The following ZNF609 variants were observed in gnomAD, a reference collection of about 807,000 sequenced individuals.
ZNF609 encodes the protein zinc finger protein 609.
A neutral mutation model predicts 109.5 loss-of-function variants in ZNF609; 11 were observed. That is an observed-to-expected ratio of 0.10 (90% CI 0.06 to 0.17). The LOEUF (loss-of-function observed/expected upper bound fraction) is 0.17. Ranked by LOEUF, ZNF609 falls within the 10% of genes least tolerant of loss-of-function variation. ZNF609 has a pLI of 1.00. For synonymous variants in ZNF609, 646 were observed against 662.0 expected, an observed-to-expected ratio of 0.98 and a Z score of 0.37; for missense variants, 1,559 against 1,772.4, an observed-to-expected ratio of 0.88 and a Z score of 2.16.
intron 2 of ZNF609, among the ~76,000 whole-genome samples, chr15:64,587,370 C>T (rs75331051): frequency 6.8e-4 from 56 of 82,392 alleles, no homozygotes; most frequent in Non-Finnish European, 1.1e-3. Flanking sequence ...TCTGTAGTAC[C>T]TAGCAGCACA....
Position 64,622,807 on chromosome 15 carries a change from A to T in ZNF609, c.748-20A>T, listed in dbSNP as rs199647254. On this transcript the variant is annotated intron_variant, in intron 2 of 9. Coordinates refer to ENST00000326648, the MANE Select transcript of ZNF609 (RefSeq NM_015042.2). ...ATGTTCTCCCTGCAACTCAGCTACT[A>T]CTTTTTCTTCCCTCCACAGATGGAG... The T allele has an allele frequency of 1.3e-4, 209 of 1,605,694 alleles. No homozygotes were observed. In the Middle Eastern group the frequency reaches 2.1e-3, roughly 17 times the overall value.
At chr15:64,513,942 A>T (rs1025306002) in intron 2 of ZNF609, among the ~76,000 whole-genome samples, 1 of 152,120 alleles carries the variant, frequency 6.6e-6, no homozygotes, top group Non-Finnish European at 1.5e-5. Context: ...AAACTAAAAA[A>T]TTAGCTGGGT....
At chr15:64,534,068 A>G (rs1043919348) in intron 2 of ZNF609, among the ~76,000 whole-genome samples, 19 of 149,608 alleles carry the variant, frequency 1.3e-4, no homozygotes, top group African/African-American at 4.2e-4. Flanking sequence ...CTGGAGTGCA[A>G]TGGCACAACC....
chr15:64,680,485 G>T, intron 7 of ZNF609, 125 bp downstream of exon 7: 1 of 1,335,538 alleles, frequency 7.5e-7, no homozygotes, highest in Admixed American at 2.1e-5. Context: ...GACACTGGCA[G>T]CCCCCAGGGC....
chr15:64,626,431 T>A (rs1895963671), intron 3 of ZNF609, among the ~76,000 whole-genome samples: 1 of 152,202 alleles, frequency 6.6e-6, no homozygotes, highest in African/African-American at 2.4e-5. Context: ...AGATACTTTT[T>A]AAAAAATTCT....
Position 64,684,544 on chromosome 15 carries a change from C to T in ZNF609, c.*2858C>T, listed in dbSNP as rs1040436665. Reference sequence around the variant, plus strand: ...CCCCTTTTCCTGCCTTGTACATGTACATGTATGAAATTTCCTTCTCTTACC... The same window carrying T: ...CCCCTTTTCCTGCCTTGTACATGTATATGTATGAAATTTCCTTCTCTTACC... On this transcript the variant is annotated 3_prime_UTR_variant, in exon 10 of 10. Transcript: ENST00000326648. 1 of 152,380 alleles carries T rather than the reference C, an allele frequency of 6.6e-6. No homozygotes were observed. The highest frequency in any genetic ancestry group is 1.5e-5 in the Non-Finnish European group (1 of 68,056). 9.4% of individuals were successfully genotyped at this position (152,380 alleles called of 1,614,324 possible).
chr15:64,619,950 G>A (rs781599740), intron 2 of ZNF609, among the ~76,000 whole-genome samples: 10 of 152,200 alleles, frequency 6.6e-5, no homozygotes, highest in Non-Finnish European at 1.0e-4. Flanking sequence ...CCTGCCAGGA[G>A]CACTGAATAA....
intron 1 of ZNF609, among the ~76,000 whole-genome samples, chr15:64,470,816 G>A (rs887864922): frequency 2.6e-5 from 4 of 151,780 alleles, no homozygotes; most frequent in South Asian, 2.1e-4. Flanking sequence ...CACTGCACCC[G>A]GCCTCTTTCA....
At chr15:64,655,423 C>G (rs974856662) in intron 3 of ZNF609, among the ~76,000 whole-genome samples, 4 of 151,748 alleles carry the variant, frequency 2.6e-5, no homozygotes, top group Non-Finnish European at 5.9e-5. Flanking sequence ...ACAACAAGAG[C>G]AAAACTCCAT....
intron 1 of ZNF609, among the ~76,000 whole-genome samples, chr15:64,484,967 G>A (rs543089040): frequency 2.0e-5 from 3 of 152,044 alleles, no homozygotes; most frequent in South Asian, 2.1e-4. Flanking sequence ...GCGAGACTCC[G>A]TCTCAAAAAA....
intron 1 of ZNF609, among the ~76,000 whole-genome samples, chr15:64,466,116 C>CAA (rs749648623): frequency 0.65 from 53,668 of 81,982 alleles, 19,116 homozygotes; most frequent in East Asian, 0.86. Context: ...AACCCTGTCT[C>CAA]AAAAAAAAAA....
chr15:64,609,128 C>CTT (rs72081834), intron 2 of ZNF609, among the ~76,000 whole-genome samples: 1 of 101,024 alleles, frequency 9.9e-6, no homozygotes, highest in African/African-American at 3.6e-5. Flanking sequence ...TTCTTTCTTT[C>CTT]TTTTTTTCTT....
At chr15:64,490,247 A>G (rs926406957) in intron 1 of ZNF609, among the ~76,000 whole-genome samples, 2 of 149,882 alleles carry the variant, frequency 1.3e-5, no homozygotes, top group African/African-American at 4.9e-5. Context: ...ACAAAGGCAT[A>G]AGCCACTGCA....
Position 64,499,702 on chromosome 15 carries a change from A to G in ZNF609, c.283A>G (p.Ser95Gly). ...CAAATCAAAATCCAAAAGGAGTAAG[A>G]GTGGCAAAGACACTAGCAAACCCAC... Reference protein sequence around the residue: ...EGKSKSKRSKSGKDTSKPTPG... With the variant: ...EGKSKSKRSKGGKDTSKPTPG... The change falls in exon 2 of 10, where the codon AGT becomes GGT. Residue 95 changes from serine (S) to glycine (G), a missense_variant. By Grantham distance (56) the Ser-to-Gly change is moderately conservative (BLOSUM62 0). This residue lies in a region of ZNF609 where 291 missense variants were observed against 317.8 expected (regional missense o/e 0.92). Coordinates refer to ENST00000326648, the MANE Select transcript of ZNF609 (RefSeq NM_015042.2). 1 of 1,614,114 alleles carries G rather than the reference A, an allele frequency of 6.2e-7. No individual in the cohort carries two copies. Among genetic ancestry groups the G allele is most frequent in the Non-Finnish European group, 8.5e-7 (1 of 1,180,036 alleles).
intron 2 of ZNF609, among the ~76,000 whole-genome samples, chr15:64,607,845 TTC>T (rs1485752827): frequency 4.6e-4 from 6 of 13,004 alleles, no homozygotes; most frequent in African/African-American, 6.4e-4. Context: ...CTTTCTTTCT[TTC>T]TTTCTTTCTT....
At chr15:64,603,875 T>C (rs1180798794) in intron 2 of ZNF609, among the ~76,000 whole-genome samples, 1 of 151,566 alleles carries the variant, frequency 6.6e-6, no homozygotes, top group Non-Finnish European at 1.5e-5. Flanking sequence ...GGCGGGCACC[T>C]GTAATCCCAG....
intron 2 of ZNF609, among the ~76,000 whole-genome samples, chr15:64,573,490 G>A (rs1700667362): frequency 6.6e-6 from 1 of 151,010 alleles, no homozygotes; most frequent in Non-Finnish European, 1.5e-5. Flanking sequence ...GAGTAGCTGG[G>A]ACTACAGACA....
intron 3 of ZNF609, among the ~76,000 whole-genome samples, chr15:64,625,722 C>T (rs1895943073): frequency 6.7e-6 from 1 of 150,248 alleles, no homozygotes; most frequent in African/African-American, 2.5e-5. Flanking sequence ...AACCCTGTCT[C>T]TACTAAAAAT....
chr15:64,654,500 A>G (rs1317936465), intron 3 of ZNF609: 1 of 151,772 alleles, frequency 6.6e-6, no homozygotes, highest in African/African-American at 2.4e-5. Context: ...GGAGTCTTGT[A>G]ATGTTGACCA....
Sources: allele counts gnomAD v4.1 joint callset (sites outside exome capture counted in the v4.1 genomes callset), GRCh38; gene constraint gnomAD v4.1.1; regional missense constraint gnomAD v4.1.1; transcripts MANE v1.5; gene names NCBI Gene and HGNC (gene_info 2026-07-23, HGNC 2026-07-21).